NCALD: variants seen among roughly 807,000 people sequenced by gnomAD.
The protein encoded by NCALD is neurocalcin delta.
A neutral mutation model predicts 18.6 loss-of-function variants in NCALD; 10 were observed. The ratio of observed to expected loss-of-function variants is 0.54; its 90% CI spans 0.33 to 0.91. The LOEUF (loss-of-function observed/expected upper bound fraction) is 0.91. Among genes scored for constraint, NCALD ranks in the 40% least tolerant of loss-of-function variants. The pLI is 0.03. For synonymous variants in NCALD, 88 were observed against 87.4 expected (o/e 1.01, Z -0.04); for missense variants, 184 against 247.6 (o/e 0.74, Z 1.72).
chr8:102,049,424 GTTTA>G (rs752663739), intron 1 of NCALD, among the ~76,000 whole-genome samples: 17 of 152,132 alleles, frequency 1.1e-4, no homozygotes, highest in Non-Finnish European at 1.8e-4. Flanking sequence ...ATGTGCCGTT[GTTTA>G]TTCATTCATC....
chr8:101,949,582 C>T (rs1819310129), intron 2 of NCALD, among the ~76,000 whole-genome samples: 1 of 152,140 alleles, frequency 6.6e-6, no homozygotes, highest in African/African-American at 2.4e-5. Flanking sequence ...GGTCAATCCA[C>T]ATTTGAAAGA....
chr8:101,688,271 T>C lies in NCALD; in HGVS notation c.*1038A>G, dbSNP rs970939567. 5 of 194,300 alleles carry C rather than the reference T, an allele frequency of 2.6e-5. No homozygotes were observed. Among genetic ancestry groups the C allele is most frequent in the African/African-American group, 1.2e-4 (5 of 42,496 alleles). The allele number at this position is 194,300 out of a possible 1,614,324, so 12.0% of individuals were successfully genotyped here. On this transcript the variant is annotated 3_prime_UTR_variant, in exon 4 of 4. Transcript: ENST00000220931. ...ATTGTCCTGTCCCACTACCACCTGCTCTGCATCTGCCCTCTAGGCATGGCC... is the reference window on the plus strand; with the variant it reads ...ATTGTCCTGTCCCACTACCACCTGCCCTGCATCTGCCCTCTAGGCATGGCC...
At chr8:101,969,358 T>C (rs1820152062) in intron 2 of NCALD, among the ~76,000 whole-genome samples, 1 of 152,200 alleles carries the variant, frequency 6.6e-6, no homozygotes, top group Admixed American at 6.5e-5. Context: ...GTTTCTATTA[T>C]TCAAGATTCC....
chr8:101,998,889 T>C (rs949261882), intron 2 of NCALD, among the ~76,000 whole-genome samples: 1 of 152,128 alleles, frequency 6.6e-6, no homozygotes, highest in Admixed American at 6.5e-5. Flanking sequence ...AAAAGACCTA[T>C]ACCTATGAAA....
intron 3 of NCALD, among the ~76,000 whole-genome samples, chr8:101,912,709 A>G (rs1817843551): frequency 6.6e-6 from 1 of 152,184 alleles, no homozygotes; most frequent in Non-Finnish European, 1.5e-5. Context: ...TAATTCTCCT[A>G]TTGTAGAGGA....
intron 1 of NCALD, among the ~76,000 whole-genome samples, chr8:102,064,613 A>G (rs1444032278): frequency 6.6e-6 from 1 of 152,236 alleles, no homozygotes; most frequent in African/African-American, 2.4e-5. Flanking sequence ...AACAAACAGC[A>G]TTCCACGACA....
In NCALD at chr8:101,963,085, G is replaced by T. The variant is rs11996181; in HGVS notation, c.-156-47227C>A. 9.4e-3 allele frequency among the ~76,000 whole-genome samples: 1,429 copies of T among 152,192 alleles called. 16 individuals are homozygous for T. The highest frequency in any genetic ancestry group is 0.027 in the Middle Eastern group (8 of 294). ...CAGGCTGCCAACAGTTTAATAGCTG[G>T]CATACAAAATTCCTGAAAATTTAAC... On this transcript the variant is annotated intron_variant, in intron 2 of 6. Coordinates refer to the NCALD transcript ENST00000311028.
intron 2 of NCALD, among the ~76,000 whole-genome samples, chr8:101,703,216 G>A (rs537815458): frequency 1.3e-5 from 2 of 151,556 alleles, no homozygotes; most frequent in Non-Finnish European, 2.9e-5. Flanking sequence ...TGTCTTCCCA[G>A]TGGTTTCTAA....
intron 3 of NCALD, among the ~76,000 whole-genome samples, chr8:101,893,181 A>C (rs1258458601): frequency 6.6e-6 from 1 of 152,002 alleles, no homozygotes; most frequent in Non-Finnish European, 1.5e-5. Context: ...GAAACCCTAC[A>C]AGCCAGAAGA....
Position 101,781,773 on chromosome 8 carries a change from A to G in NCALD, c.-20+9089T>C, listed in dbSNP as rs1476054366. On this transcript the variant is annotated intron_variant, in intron 1 of 3. Transcript: ENST00000220931. ...TTAACAGATGGTGTTTTTGTTGGCT[A>G]CCCAGGGATTTGTTTTCTATTATTC... Among the ~76,000 whole-genome samples the G allele has an allele frequency of 2.0e-5, 3 of 152,072 alleles. 1 individual carries two copies. Among genetic ancestry groups the G allele is most frequent in the Non-Finnish European group, 2.9e-5 (2 of 67,992 alleles).
chr8:102,034,575 A>C (rs1238998825), intron 1 of NCALD, among the ~76,000 whole-genome samples: 1 of 152,202 alleles, frequency 6.6e-6, no homozygotes, highest in African/African-American at 2.4e-5. Flanking sequence ...ATTTCTCAGA[A>C]TAACTCACCA....
Position 101,968,394 on chromosome 8 carries a change from A to G in NCALD, c.-157+51843T>C, listed in dbSNP as rs545366784. 2.0e-3 allele frequency among the ~76,000 whole-genome samples: 308 copies of G among 152,366 alleles called. 2 individuals are homozygous for G. The highest frequency in any genetic ancestry group is 7.1e-3 in the African/African-American group (297 of 41,586). ...CTTTTCCAGATCAAACAAGCAGATC[A>G]ATAGATAATTTTTGTGACAAATAGA... On this transcript the variant is annotated intron_variant, in intron 2 of 6. Coordinates refer to the NCALD transcript ENST00000311028.
chr8:101,736,790 C>G (rs929355425), intron 1 of NCALD, among the ~76,000 whole-genome samples: 2 of 152,156 alleles, frequency 1.3e-5, no homozygotes, highest in Non-Finnish European at 2.9e-5. Flanking sequence ...CAGCAAATGG[C>G]CATCCAACTC....
chr8:101,813,104 C>A (rs1381762410), intron 4 of NCALD, among the ~76,000 whole-genome samples: 2 of 151,990 alleles, frequency 1.3e-5, no homozygotes, highest in Admixed American at 1.3e-4. Context: ...CAGACCTTGG[C>A]CTCATGATAC....
At chr8:101,954,936 T>A (rs1376728518) in intron 2 of NCALD, among the ~76,000 whole-genome samples, 1 of 152,210 alleles carries the variant, frequency 6.6e-6, no homozygotes, top group Non-Finnish European at 1.5e-5. Flanking sequence ...TGATCCTCTC[T>A]GAGCCTCAGT....
At chr8:101,896,510 C>T (rs1474030736) in intron 3 of NCALD, among the ~76,000 whole-genome samples, 1 of 151,772 alleles carries the variant, frequency 6.6e-6, no homozygotes, top group Admixed American at 6.6e-5. Context: ...ACAAAATTGA[C>T]AAATGGGATC....
intron 1 of NCALD, among the ~76,000 whole-genome samples, chr8:102,021,825 G>T (rs1316581889): frequency 1.3e-5 from 2 of 152,212 alleles, no homozygotes; most frequent in African/African-American, 4.8e-5. Context: ...GAGGATGGGA[G>T]TGCCAGAGGT....
At chr8:102,092,131 C>T (rs189865216) in intron 1 of NCALD, among the ~76,000 whole-genome samples, 135 of 152,216 alleles carry the variant, frequency 8.9e-4, no homozygotes, top group African/African-American at 2.3e-3. Context: ...GTAAAAAAGC[C>T]GGCCAAAACC....
At chr8:102,042,826 G>A (rs1474003899) in intron 1 of NCALD, among the ~76,000 whole-genome samples, 1 of 151,480 alleles carries the variant, frequency 6.6e-6, no homozygotes, top group Non-Finnish European at 1.5e-5. Flanking sequence ...TTAGGGGGTG[G>A]GTAGTTTCTG....
Sources: gnomAD v4.1 joint callset for allele counts (sites outside exome capture counted in the v4.1 genomes callset) on GRCh38, gnomAD v4.1.1 for gene constraint, MANE v1.5 for transcripts, NCBI Gene and HGNC (gene_info 2026-07-23, HGNC 2026-07-21) for gene names.